The following CSMD1 variants were observed in gnomAD, a reference collection of about 807,000 sequenced individuals.
CSMD1 encodes the protein CUB and sushi domain-containing protein 1.
In CSMD1, 213 loss-of-function variants were observed where a neutral mutation model predicts 417.5. The ratio of observed to expected loss-of-function variants is 0.51; its 90% CI spans 0.46 to 0.57. CSMD1 has a LOEUF of 0.57. Ranked by LOEUF, CSMD1 falls within the 20% of genes least tolerant of loss-of-function variation. The pLI, the probability that CSMD1 is intolerant of heterozygous loss-of-function variation, is 0.00. For missense variants in CSMD1, 6,923 were observed against 4,529.7 expected (o/e 1.53, Z -15.17); for synonymous variants, 2,862 against 1,736.8 (o/e 1.65, Z -16.11).
chr8:4,713,586 A>G (rs34982124), intron 1 of CSMD1, among the ~76,000 whole-genome samples: 2,201 of 152,112 alleles, frequency 0.014, 23 homozygotes, highest in Non-Finnish European at 0.024. Flanking sequence ...TTTTTAGTAG[A>G]GACGGGGTTT....
At chr8:3,306,216 T>C (rs1804833431) in intron 25 of CSMD1, among the ~76,000 whole-genome samples, 1 of 151,872 alleles carries the variant, frequency 6.6e-6, no homozygotes, top group Non-Finnish European at 1.5e-5. Flanking sequence ...CTAAGCTTGA[T>C]AGGGTGGCTT....
chr8:4,662,587 A>T (rs368462386), intron 1 of CSMD1, among the ~76,000 whole-genome samples: 1 of 152,188 alleles, frequency 6.6e-6, no homozygotes, highest in Admixed American at 6.5e-5. Flanking sequence ...CATGTGCCCA[A>T]CAATGCCAGT....
chr8:4,808,029 G>A (rs761758382), intron 1 of CSMD1, among the ~76,000 whole-genome samples: 1 of 152,184 alleles, frequency 6.6e-6, no homozygotes, highest in East Asian at 1.9e-4. Flanking sequence ...CTCGCCCATA[G>A]ATAGCACATC....
intron 3 of CSMD1, among the ~76,000 whole-genome samples, chr8:4,093,103 G>C (rs1160811040): frequency 6.6e-6 from 1 of 152,022 alleles, no homozygotes; most frequent in East Asian, 1.9e-4. Context: ...TAACTCAAAG[G>C]CCCTTGTGCC....
chr8:3,032,183 G>C (rs1459174030), intron 50 of CSMD1, among the ~76,000 whole-genome samples: 1 of 151,920 alleles, frequency 6.6e-6, no homozygotes, highest in Non-Finnish European at 1.5e-5. Flanking sequence ...GAGAGTGGAA[G>C]AGTGGAGATT....
chr8:4,417,019 C>G (rs1484036684), intron 3 of CSMD1, among the ~76,000 whole-genome samples: 1 of 151,910 alleles, frequency 6.6e-6, no homozygotes, highest in Non-Finnish European at 1.5e-5. Flanking sequence ...GACTAATGTC[C>G]AAGTATAGAA....
At chr8:4,733,399 C>T (rs1323211884) in intron 1 of CSMD1, among the ~76,000 whole-genome samples, 1 of 152,152 alleles carries the variant, frequency 6.6e-6, no homozygotes, top group African/African-American at 2.4e-5. Context: ...CCCAGAATAA[C>T]CATATCTTGG....
At chr8:3,392,806 A>AC (rs1811428706) in intron 17 of CSMD1, among the ~76,000 whole-genome samples, 1 of 151,968 alleles carries the variant, frequency 6.6e-6, no homozygotes, top group South Asian at 2.1e-4. Flanking sequence ...AAACGGGGAC[A>AC]CCCTCTGAGT....
At chr8:3,826,049 G>C (rs1031207358) in intron 5 of CSMD1, among the ~76,000 whole-genome samples, 18 of 152,044 alleles carry the variant, frequency 1.2e-4, no homozygotes, top group African/African-American at 4.4e-4. Flanking sequence ...TTCAAATGGA[G>C]GCCCACATAG....
intron 12 of CSMD1, among the ~76,000 whole-genome samples, chr8:3,424,389 C>G (rs986289638): frequency 7.2e-5 from 11 of 152,318 alleles, no homozygotes; most frequent in African/African-American, 2.6e-4. Flanking sequence ...CCAGTTACTG[C>G]ATTCATTGAG....
At chr8:3,765,033 C>A (rs1798196548) in intron 5 of CSMD1, among the ~76,000 whole-genome samples, 1 of 151,960 alleles carries the variant, frequency 6.6e-6, no homozygotes, top group Non-Finnish European at 1.5e-5. Context: ...GCATGACCCA[C>A]CATTCCTGGC....
At chr8:4,052,312 A>T (rs901396320) in intron 3 of CSMD1, among the ~76,000 whole-genome samples, 2 of 152,188 alleles carry the variant, frequency 1.3e-5, no homozygotes, top group African/African-American at 4.8e-5. Flanking sequence ...GCTGACATTT[A>T]ATGCGTAATT....
chr8:3,796,346 C>G (rs1221782405), intron 5 of CSMD1, among the ~76,000 whole-genome samples: 1 of 75,220 alleles, frequency 1.3e-5, no homozygotes, highest in African/African-American at 4.2e-5. Flanking sequence ...AGATATATAT[C>G]TATCATGTAT....
chr8:3,236,997 G>C (rs897579104), intron 26 of CSMD1, among the ~76,000 whole-genome samples: 8 of 152,000 alleles, frequency 5.3e-5, no homozygotes, highest in African/African-American at 1.7e-4. Context: ...GCTGCATCCA[G>C]AGCCATGCCA....
At chr8:3,388,063 G>C (rs1811121720) in intron 17 of CSMD1, among the ~76,000 whole-genome samples, 1 of 152,022 alleles carries the variant, frequency 6.6e-6, no homozygotes, top group African/African-American at 2.4e-5. Flanking sequence ...ATTAAATATA[G>C]ACATATGTAC....
At chr8:3,792,930 T>C (rs1799830673) in intron 5 of CSMD1, among the ~76,000 whole-genome samples, 1 of 152,144 alleles carries the variant, frequency 6.6e-6, no homozygotes, top group African/African-American at 2.4e-5. Flanking sequence ...CTTTTTCCTT[T>C]GGTATTTTCA....
At chr8:4,293,531 GAAA>G (rs1366880196) in intron 3 of CSMD1, among the ~76,000 whole-genome samples, 2 of 152,148 alleles carry the variant, frequency 1.3e-5, no homozygotes, top group Non-Finnish European at 2.9e-5. Flanking sequence ...CACTAACCAT[GAAA>G]TAGACTTGTC....
chr8:4,334,287 A>T (rs943868107), intron 3 of CSMD1, among the ~76,000 whole-genome samples: 3 of 152,140 alleles, frequency 2.0e-5, no homozygotes, highest in Non-Finnish European at 4.4e-5. Flanking sequence ...GTGTTTGGTC[A>T]AACACTATTC....
At chr8:4,154,194 T>C (rs1042082319) in intron 3 of CSMD1, among the ~76,000 whole-genome samples, 3 of 152,162 alleles carry the variant, frequency 2.0e-5, no homozygotes, top group Admixed American at 2.0e-4. Flanking sequence ...AGATGCCACA[T>C]CTATTCAGGA....
Sources: gnomAD v4.1 joint callset for allele counts (sites outside exome capture counted in the v4.1 genomes callset) on GRCh38, gnomAD v4.1.1 for gene constraint, MANE v1.5 for transcripts, NCBI Gene and HGNC (gene_info 2026-07-23, HGNC 2026-07-21) for gene names.